The following LARGE1 variants were observed in gnomAD, a reference collection of about 807,000 sequenced individuals.
LARGE1 encodes LARGE xylosyl- and glucuronyltransferase 1, also known as xylosyl- and glucuronyltransferase LARGE1.
Under a neutral mutation model 87.6 loss-of-function variants are expected in LARGE1, and 43 were observed. That is an observed-to-expected ratio of 0.49 (90% CI 0.38 to 0.63). The LOEUF is 0.63. Ranked by LOEUF, LARGE1 falls within the 30% of genes least tolerant of loss-of-function variation. The pLI, the probability that LARGE1 is intolerant of heterozygous loss-of-function variation, is 0.00. For missense variants in LARGE1, 802 were observed against 1,000.2 expected, an observed-to-expected ratio of 0.80 and a Z score of 2.67; for synonymous variants, 434 against 394.6, an observed-to-expected ratio of 1.10 and a Z score of -1.18.
intron 1 of LARGE1, among the ~76,000 whole-genome samples, chr22:33,796,569 A>G (rs559326391): frequency 6.6e-6 from 1 of 152,284 alleles, no homozygotes; most frequent in South Asian, 2.1e-4. Flanking sequence ...TCAATCAAAG[A>G]AGGACATGGG....
At chr22:33,520,446 C>T (rs572110291) in intron 6 of LARGE1, among the ~76,000 whole-genome samples, 81 of 152,266 alleles carry the variant, frequency 5.3e-4, no homozygotes, top group African/African-American at 1.9e-3. Flanking sequence ...CACAATCCCG[C>T]AGGGAGACAG....
chr22:33,698,349 G>A (rs1221353382), intron 2 of LARGE1, among the ~76,000 whole-genome samples: 1 of 151,032 alleles, frequency 6.6e-6, no homozygotes, highest in Non-Finnish European at 1.5e-5. Context: ...CACCCAGGCT[G>A]GAGTGCAGTG....
At chr22:33,102,771 GT>G in the LARGE1 span, among the ~76,000 whole-genome samples, 1 of 151,604 alleles carries the variant, frequency 6.6e-6, no homozygotes, top group Non-Finnish European at 1.5e-5. Flanking sequence ...GATTACAGGC[GT>G]AAACCACTGC....
intron 9 of LARGE1, among the ~76,000 whole-genome samples, chr22:33,371,742 T>TAG (rs1166368349): frequency 6.6e-6 from 1 of 152,156 alleles, no homozygotes; most frequent in Non-Finnish European, 1.5e-5. Context: ...CCCAGCACTT[T>TAG]GGGAGGCCGA....
chr22:33,383,221 C>T (rs965604890), intron 8 of LARGE1, among the ~76,000 whole-genome samples: 3 of 152,164 alleles, frequency 2.0e-5, no homozygotes, highest in Non-Finnish European at 2.9e-5. Flanking sequence ...CTGGAGCCCT[C>T]TGCCTTTCCT....
At chr22:33,861,895 A>C in intron 1 of LARGE1, among the ~76,000 whole-genome samples, 2 of 125,472 alleles carry the variant, frequency 1.6e-5, no homozygotes, top group African/African-American at 3.3e-5. Flanking sequence ...ACAAGGTCTC[A>C]CTCTGTCACC....
chr22:33,251,966 C>T lies in LARGE1; in HGVS notation c.1730+52263G>A, dbSNP rs77685668. Reference sequence around the variant, plus strand: ...AGCTATTAGAGTCCATCTCACAGAGCTTGCTGAAGTCTAAATGCATCCCAG... The same window carrying T: ...AGCTATTAGAGTCCATCTCACAGAGTTTGCTGAAGTCTAAATGCATCCCAG... On this transcript the variant is annotated intron_variant, in intron 11 of 11. Coordinates refer to the LARGE1 transcript ENST00000608642. Among the ~76,000 whole-genome samples the T allele has an allele frequency of 1.8e-3, 276 of 152,326 alleles. 1 individual carries two copies. The highest frequency in any genetic ancestry group is 3.5e-3 in the Non-Finnish European group (238 of 68,020).
intron 2 of LARGE1, among the ~76,000 whole-genome samples, chr22:33,659,685 C>A (rs1401059678): frequency 1.4e-5 from 2 of 145,876 alleles, no homozygotes; most frequent in African/African-American, 5.1e-5. Context: ...AACCAAAGCA[C>A]ACTTGAGTTC....
At chr22:33,754,992 C>T (rs1482422456) in intron 2 of LARGE1, among the ~76,000 whole-genome samples, 2 of 152,198 alleles carry the variant, frequency 1.3e-5, no homozygotes, top group Non-Finnish European at 2.9e-5. Context: ...GCACCACCCC[C>T]ATCCCGCCTA....
intron 6 of LARGE1, among the ~76,000 whole-genome samples, chr22:33,437,162 G>C (rs1310640024): frequency 6.6e-6 from 1 of 152,190 alleles, no homozygotes; most frequent in Non-Finnish European, 1.5e-5. Flanking sequence ...TTACTGATTG[G>C]AGTTTGGAAG....
At chr22:33,662,826 G>C (rs240345) in intron 2 of LARGE1, among the ~76,000 whole-genome samples, 75,868 of 151,888 alleles carry the variant, frequency 0.5, 20,824 homozygotes, top group Middle Eastern at 0.65. Context: ...ACCTAAATCA[G>C]TGTTATCTTC....
At chr22:33,220,863 G>A (rs1174656226) in intron 11 of LARGE1, among the ~76,000 whole-genome samples, 2 of 152,176 alleles carry the variant, frequency 1.3e-5, no homozygotes, top group Non-Finnish European at 2.9e-5. Flanking sequence ...CGGATAAACA[G>A]TTGCATGTAA....
intron 9 of LARGE1, among the ~76,000 whole-genome samples, chr22:33,345,305 T>C (rs556570636): frequency 5.3e-5 from 8 of 152,240 alleles, no homozygotes; most frequent in Admixed American, 1.3e-4. Flanking sequence ...CCCAAGCAGA[T>C]AGAAAAATTA....
In LARGE1 at chr22:33,274,709, A is replaced by C. The variant is rs1265206435; in HGVS notation, c.2074-85T>G. 4.1e-6 allele frequency: 5 copies of C among 1,205,582 alleles called. No homozygotes were observed. In the Admixed American group the frequency reaches 8.8e-5, roughly 21 times the overall value. 74.7% of individuals were successfully genotyped at this position (1,205,582 alleles called of 1,614,324 possible). On this transcript the variant is annotated intron_variant, in intron 14 of 14. Coordinates refer to ENST00000397394, the MANE Select transcript of LARGE1 (RefSeq NM_133642.5). Reference sequence around the variant, plus strand: ...GGCCCAAGCGAATGATTGAATGGCTAGTGAATGAATGACTTGATAATGGCA... The same window carrying C: ...GGCCCAAGCGAATGATTGAATGGCTCGTGAATGAATGACTTGATAATGGCA...
intron 2 of LARGE1, among the ~76,000 whole-genome samples, chr22:33,659,154 T>C (rs1455659808): frequency 6.6e-6 from 1 of 152,238 alleles, no homozygotes; most frequent in Non-Finnish European, 1.5e-5. Flanking sequence ...CTCCGGTTTC[T>C]GGTTCCTTTC....
At chr22:33,518,557 C>T (rs907095947) in intron 6 of LARGE1, among the ~76,000 whole-genome samples, 1 of 152,202 alleles carries the variant, frequency 6.6e-6, no homozygotes, top group African/African-American at 2.4e-5. Flanking sequence ...GTTGCGCTGG[C>T]CTCGGCCTCC....
chr22:33,279,868 T>C (rs1930091882), intron 13 of LARGE1, among the ~76,000 whole-genome samples: 1 of 152,196 alleles, frequency 6.6e-6, no homozygotes, highest in African/African-American at 2.4e-5. Flanking sequence ...TGAACTTGTA[T>C]GAGGTTTTAA....
At chr22:33,169,571 G>T (rs184342857) in intron 11 of LARGE1, among the ~76,000 whole-genome samples, 6 of 152,216 alleles carry the variant, frequency 3.9e-5, no homozygotes, top group East Asian at 1.9e-4. Flanking sequence ...GTCCTGAGGG[G>T]CTGGGCGCAG....
chr22:33,220,764 T>C (rs901639409), intron 11 of LARGE1, among the ~76,000 whole-genome samples: 7 of 152,226 alleles, frequency 4.6e-5, no homozygotes, highest in African/African-American at 1.4e-4. Context: ...CTGAATCTTG[T>C]ACCTTTATCA....
Sources: gnomAD v4.1 joint callset for allele counts (sites outside exome capture counted in the v4.1 genomes callset) on GRCh38, gnomAD v4.1.1 for gene constraint, MANE v1.5 for transcripts, NCBI Gene and HGNC (gene_info 2026-07-23, HGNC 2026-07-21) for gene names.